Variants in CRY1 observed in about 807,000 individuals in gnomAD.
The protein encoded by CRY1 is cryptochrome circadian regulator 1.
CRY1 carries 45 observed loss-of-function variants against 76.0 expected under a neutral mutation model. The ratio of observed to expected loss-of-function variants is 0.59; its 90% CI spans 0.47 to 0.76. CRY1 has a LOEUF of 0.76. Among genes scored for constraint, CRY1 ranks in the 30% least tolerant of loss-of-function variants. The pLI, the probability that CRY1 is intolerant of heterozygous loss-of-function variation, is 0.00. For synonymous variants in CRY1, 248 were observed against 244.0 expected, an observed-to-expected ratio of 1.02 and a Z score of -0.15; for missense variants, 587 against 716.4, an observed-to-expected ratio of 0.82 and a Z score of 2.06.
At chr12:107,065,503 G>A (rs1327830582) in intron 1 of CRY1, among the ~76,000 whole-genome samples, 4 of 152,070 alleles carry the variant, frequency 2.6e-5, no homozygotes, top group African/African-American at 4.8e-5. Flanking sequence ...ACTGAGGCAG[G>A]AGAATCACTT....
intron 1 of CRY1, among the ~76,000 whole-genome samples, chr12:107,080,659 T>G (rs937770660): frequency 7.3e-5 from 11 of 150,362 alleles, no homozygotes; most frequent in African/African-American, 2.2e-4. Flanking sequence ...TAAAAAAAAA[T>G]AAAAAAGAAA....
At chr12:107,060,820 T>C (rs1214292250) in intron 1 of CRY1, among the ~76,000 whole-genome samples, 1 of 151,852 alleles carries the variant, frequency 6.6e-6, no homozygotes. Context: ...CTACTAAAAA[T>C]ACAAAAAATT....
intron 1 of CRY1, among the ~76,000 whole-genome samples, chr12:107,065,521 G>T (rs950675084): frequency 6.6e-6 from 1 of 152,086 alleles, no homozygotes; most frequent in Non-Finnish European, 1.5e-5. Flanking sequence ...CTTGAACACT[G>T]GAGGTTGAGG....
At chr12:107,014,939 G>A (rs1952483588) in intron 2 of CRY1, among the ~76,000 whole-genome samples, 1 of 152,010 alleles carries the variant, frequency 6.6e-6, no homozygotes, top group Non-Finnish European at 1.5e-5. Context: ...GCACAGTAGT[G>A]CAATCTCAGC....
chr12:107,006,109 C>T (rs1329742353), intron 2 of CRY1, among the ~76,000 whole-genome samples: 3 of 152,046 alleles, frequency 2.0e-5, no homozygotes, highest in Admixed American at 6.6e-5. Context: ...TTCTAGGCGG[C>T]GTGCGGTGGC....
chr12:107,049,191 T>A (rs1023685451), intron 1 of CRY1, among the ~76,000 whole-genome samples: 1 of 152,214 alleles, frequency 6.6e-6, no homozygotes, highest in East Asian at 1.9e-4. Flanking sequence ...CTTGTTAGTC[T>A]CTGAACTCCA....
Position 106,997,663 on chromosome 12 carries a change from G to A in CRY1, c.1317C>T (p.Phe439=), listed in dbSNP as rs758863256. The A allele has an allele frequency of 6.2e-6, 10 of 1,613,926 alleles. No homozygotes were observed. In the African/African-American group the frequency reaches 9.3e-5, roughly 15 times the overall value. Residue 439 remains phenylalanine, a synonymous_variant, in exon 9 of 13, where the codon TTC becomes TTT. Coordinates refer to ENST00000008527, the MANE Select transcript of CRY1 (RefSeq NM_004075.5). ...IRRYLPVLRG[F]PAKYIYDPWN... ...AGGGATCATAGATATATTTTGCAGG[G>A]AAGCCTCTTAGGACAGGCAAATAAC...
intron 1 of CRY1, among the ~76,000 whole-genome samples, chr12:107,055,697 G>C (rs1344236665): frequency 6.6e-6 from 1 of 152,006 alleles, no homozygotes; most frequent in Non-Finnish European, 1.5e-5. Context: ...AAAGGTAGGA[G>C]ACACAAATAA....
Position 107,001,779 on chromosome 12 carries a change from A to G in CRY1, c.580T>C (p.Ser194Pro). ...TTACACTCACCTAGCTCTTCCAGTG[A>G]AGGGACTCCATATTTCTCATCATGG... ...DDHDEKYGVP[S>P]LEELGFDTDG... The change falls in exon 4 of 13, where the codon TCA becomes CCA. Residue 194 changes from serine to proline, a missense_variant. Transcript: ENST00000008527. 1.9e-6 allele frequency: 3 copies of G among 1,557,586 alleles called. No homozygotes were observed. Among genetic ancestry groups the G allele is most frequent in the South Asian group, 1.3e-5 (1 of 79,696 alleles).
intron 2 of CRY1, among the ~76,000 whole-genome samples, chr12:107,014,773 G>A (rs1168576059): frequency 6.6e-6 from 1 of 152,106 alleles, no homozygotes; most frequent in African/African-American, 2.4e-5. Flanking sequence ...TTGGTTCCAG[G>A]ACCCCCTGTG....
At chr12:106,994,591 T>C (rs949418017) in intron 10 of CRY1, among the ~76,000 whole-genome samples, 2 of 152,236 alleles carry the variant, frequency 1.3e-5, no homozygotes, top group Non-Finnish European at 2.9e-5. Flanking sequence ...TTATTAATTC[T>C]TCTATTATAT....
At chr12:107,074,193 G>A (rs1953223370) in intron 1 of CRY1, among the ~76,000 whole-genome samples, 1 of 151,840 alleles carries the variant, frequency 6.6e-6, no homozygotes, top group Non-Finnish European at 1.5e-5. Context: ...TTAACACTAA[G>A]CCAGACAATT....
chr12:107,012,046 C>T (rs758927124), intron 2 of CRY1, among the ~76,000 whole-genome samples: 6 of 151,974 alleles, frequency 3.9e-5, no homozygotes, highest in Admixed American at 6.6e-5. Context: ...AAAATTTAGC[C>T]GGGCATGGTG....
At chr12:107,010,134 T>TTTTCA (rs58526175) in intron 2 of CRY1, among the ~76,000 whole-genome samples, 106,792 of 151,258 alleles carry the variant, frequency 0.71, 38,716 homozygotes, top group East Asian at 0.97. Context: ...TCAAGAAATT[T>TTTTCA]TTTCATCTCA....
chr12:107,041,601 T>A (rs1245883533), intron 1 of CRY1, among the ~76,000 whole-genome samples: 1 of 152,182 alleles, frequency 6.6e-6, no homozygotes, highest in Non-Finnish European at 1.5e-5. Flanking sequence ...AACATAACAC[T>A]ACAGGCCAAA....
In CRY1 at chr12:106,999,867, G is replaced by A. The variant is rs1952283048; in HGVS notation, c.826-5C>T. On this transcript the variant is annotated splice_polypyrimidine_tract_variant and splice_region_variant and intron_variant, in intron 6 of 12. Transcript: ENST00000008527. ...AGGGGAACTGTTCTTCTTTACCTAT[G>A]GTTAAAAAGCAAAGAAGTATTATCA... 3 of 1,600,548 alleles carry A rather than the reference G, an allele frequency of 1.9e-6. No homozygotes were observed. The highest frequency in any genetic ancestry group is 2.6e-6 in the Non-Finnish European group (3 of 1,175,522).
intron 2 of CRY1, among the ~76,000 whole-genome samples, chr12:107,015,744 C>T (rs1952491732): frequency 6.6e-6 from 1 of 152,110 alleles, no homozygotes; most frequent in Non-Finnish European, 1.5e-5. Flanking sequence ...AGTAGAGTGG[C>T]ATGATCTTGG....
chr12:106,999,937 AAT>A lies in CRY1; in HGVS notation c.825+3_825+4del. ...TAAACAATAAGCTCTAATTTTAGAG[AAT>A]ACCTTTTTGTAGAGATCTGTTAGTT... On this transcript the variant is annotated splice_donor_region_variant and intron_variant, in intron 6 of 12. Transcript: ENST00000008527. 1.9e-6 allele frequency: 3 copies of A among 1,593,748 alleles called. No homozygotes were observed. Among genetic ancestry groups the A allele is most frequent in the Non-Finnish European group, 2.6e-6 (3 of 1,175,034 alleles).
chr12:107,075,892 T>C (rs1953246444), intron 1 of CRY1, among the ~76,000 whole-genome samples: 3 of 152,128 alleles, frequency 2.0e-5, no homozygotes, highest in Admixed American at 2.0e-4. Flanking sequence ...GGACTAGATA[T>C]GAAGTTTGAG....
Sources: gnomAD v4.1 joint callset for allele counts (sites outside exome capture counted in the v4.1 genomes callset) on GRCh38, gnomAD v4.1.1 for gene constraint, MANE v1.5 for transcripts, NCBI Gene and HGNC (gene_info 2026-07-23, HGNC 2026-07-21) for gene names.